The following PCDHA6 variants were observed in gnomAD, a reference collection of about 807,000 sequenced individuals.
PCDHA6 encodes protocadherin alpha 6, also known as protocadherin alpha-6.
In PCDHA6, 55 loss-of-function variants were observed where a neutral mutation model predicts 60.3. The ratio of observed to expected loss-of-function variants is 0.91; its 90% confidence interval spans 0.73 to 1.14. PCDHA6 has a LOEUF of 1.14. Ranked by LOEUF, PCDHA6 falls within the 50% of genes most tolerant of loss-of-function variation. PCDHA6 has a pLI of 0.00. For synonymous variants in PCDHA6, 652 were observed against 557.9 expected, an observed-to-expected ratio of 1.17 and a Z score of -2.38; for missense variants, 1,327 against 1,256.5, an observed-to-expected ratio of 1.06 and a Z score of -0.85.
intron 1 of PCDHA6, chr5:140,841,596 G>A (rs782464159): frequency 6.2e-7 from 1 of 1,614,094 alleles, no homozygotes; most frequent in Non-Finnish European, 8.5e-7. Flanking sequence ...CGGATCGACC[G>A]CGAGGAGCTG....
chr5:140,883,841 C>T (rs2059844881), intron 1 of PCDHA6: 1 of 1,612,742 alleles, frequency 6.2e-7, no homozygotes, highest in Non-Finnish European at 8.5e-7. Context: ...GCCGTTGGAC[C>T]ACGAGGAGCT....
At chr5:140,912,465 C>T (rs2153521985) in intron 1 of PCDHA6, among the ~76,000 whole-genome samples, 1 of 151,968 alleles carries the variant, frequency 6.6e-6, no homozygotes, top group South Asian at 2.1e-4. Context: ...TATCCTGGAA[C>T]TTTACTGAAT....
intron 3 of PCDHA6, among the ~76,000 whole-genome samples, chr5:140,983,265 T>C (rs553920702): frequency 6.6e-6 from 1 of 152,200 alleles, no homozygotes; most frequent in Non-Finnish European, 1.5e-5. Flanking sequence ...AAAAACCTAA[T>C]GGCTGGGTGA....
intron 1 of PCDHA6, chr5:140,847,941 A>G (rs923253393): frequency 3.3e-5 from 5 of 151,238 alleles, no homozygotes; most frequent in African/African-American, 1.2e-4. Flanking sequence ...CAACTCCTGG[A>G]TTTCTCTTAC....
rs140680694 is a variant in PCDHA6, at chr5:140,925,580, G to A, written c.2395-53369G>A. 5.4e-3 allele frequency among the ~76,000 whole-genome samples: 819 copies of A among 151,688 alleles called. 10 individuals carry two copies. The highest frequency in any genetic ancestry group is 0.019 in the African/African-American group (777 of 41,364). On this transcript the variant is annotated intron_variant, in intron 1 of 3. Transcript: ENST00000529310. ...GTTAATGGGTGCAGCACACCAACATGGCGCATGTATACATATGTAACAAAC... is the reference window on the plus strand; with the variant it reads ...GTTAATGGGTGCAGCACACCAACATAGCGCATGTATACATATGTAACAAAC...
At position 140,882,318 on chromosome 5, in the gene PCDHA6, G is replaced by A. The variant is rs534213144; in HGVS notation, c.2394+51833G>A. On this transcript the variant is annotated intron_variant, in intron 1 of 3. Transcript: ENST00000529310. ...CCAAGACCGCGGCAACTACTGCTCT[G>A]GCTTCTGATCCTCGCAGCCTGGGAG... 5 of 1,614,128 alleles carry A rather than the reference G, an allele frequency of 3.1e-6. No individual in the cohort carries two copies. In the African/African-American group the frequency reaches 6.7e-5, roughly 22 times the overall value.
chr5:140,862,658 G>A (rs547936781), intron 1 of PCDHA6: 19 of 545,608 alleles, frequency 3.5e-5, no homozygotes, highest in Admixed American at 1.9e-4. Flanking sequence ...GCGCGGGACC[G>A]GGACGCGCAG....
chr5:140,835,261 T>A (rs2150232896), intron 1 of PCDHA6: 1 of 1,608,418 alleles, frequency 6.2e-7, no homozygotes, highest in Admixed American at 1.7e-5. Flanking sequence ...AAATCCAAGT[T>A]CCACATGGAC....
Position 140,838,073 on chromosome 5 carries a change from ATATAGTGTGTGTGTGTGT to A in PCDHA6, c.2394+7589_2394+7606del, listed in dbSNP as rs1181120432. 3.1e-4 allele frequency among the ~76,000 whole-genome samples: 39 copies of A among 126,834 alleles called. 1 individual carries two copies. The highest frequency in any genetic ancestry group is 1.5e-3 in the Admixed American group (18 of 11,662). 83.2% of individuals were successfully genotyped at this position (126,834 alleles called of 152,430 possible). A position where few individuals can be genotyped will look rare whatever the true frequency, so the allele number is the denominator to read the frequency against. ...TGGTTTTCCACTTTAAGTTATATAT[ATATAGTGTGTGTGTGTGT>A]GTGTGTGTGTGTGTGTGTGTGTGTG... On this transcript the variant is annotated intron_variant, in intron 1 of 3. Coordinates refer to ENST00000529310, the MANE Select transcript of PCDHA6 (RefSeq NM_018909.4).
intron 1 of PCDHA6, among the ~76,000 whole-genome samples, chr5:140,847,234 C>T (rs1197831504): frequency 6.7e-6 from 1 of 149,750 alleles, no homozygotes; most frequent in African/African-American, 2.4e-5. Flanking sequence ...TATTTAACTA[C>T]CTTGAGCAAA....
chr5:140,836,344 A>T, intron 1 of PCDHA6: 1 of 1,613,666 alleles, frequency 6.2e-7, no homozygotes, highest in Non-Finnish European at 8.5e-7. Context: ...GTGAAGGACC[A>T]CGGGGAGCCC....
intron 1 of PCDHA6, chr5:140,836,956 T>C (rs1363599144): frequency 2.4e-6 from 1 of 416,414 alleles, no homozygotes; most frequent in Non-Finnish European, 4.2e-6. Flanking sequence ...CTATGGTTTA[T>C]GTTGGCTACT....
chr5:140,972,316 GT>G (rs112435719), intron 1 of PCDHA6, among the ~76,000 whole-genome samples: 1,932 of 139,568 alleles, frequency 0.014, 18 homozygotes, highest in African/African-American at 0.036. Context: ...GTTTTTAGGT[GT>G]TTTTTTTTTT....
rs75087916 is a variant in PCDHA6, at chr5:140,963,063, T to G, written c.2395-15886T>G. Among the ~76,000 whole-genome samples, 783 of 152,260 alleles carry G rather than the reference T, an allele frequency of 5.1e-3. 9 individuals carry two copies. Among genetic ancestry groups the G allele is most frequent in the African/African-American group, 0.018 (742 of 41,556 alleles). ...AGAGTCTATAAGGGTTTCTACATTGTGAAGGAGACAGAAATATAAGACATG... is the reference window on the plus strand; with the variant it reads ...AGAGTCTATAAGGGTTTCTACATTGGGAAGGAGACAGAAATATAAGACATG... On this transcript the variant is annotated intron_variant, in intron 1 of 3. Transcript: ENST00000529310.
chr5:140,913,659 A>T (rs1414002446), intron 1 of PCDHA6, among the ~76,000 whole-genome samples: 2 of 152,044 alleles, frequency 1.3e-5, no homozygotes, highest in Non-Finnish European at 2.9e-5. Flanking sequence ...TTTAAGATGT[A>T]TAGTTAGGTT....
chr5:140,967,984 C>G (rs2096207352), intron 1 of PCDHA6: 2 of 1,614,100 alleles, frequency 1.2e-6, no homozygotes, highest in African/African-American at 2.7e-5. Flanking sequence ...GTCTGGAGGC[C>G]ACACTGCCTT....
In PCDHA6 at chr5:140,871,470, G is replaced by A. The variant is rs782433204; in HGVS notation, c.2394+40985G>A. ...AAGAGGAGGAAGGGGAAAGACAGGAGCCAGGGTCAAATCACCCCGGACAGG... is the reference window on the plus strand; with the variant it reads ...AAGAGGAGGAAGGGGAAAGACAGGAACCAGGGTCAAATCACCCCGGACAGG... On this transcript the variant is annotated intron_variant, in intron 1 of 3. Coordinates refer to ENST00000529310, the MANE Select transcript of PCDHA6 (RefSeq NM_018909.4). The A allele has an allele frequency of 3.1e-6, 5 of 1,601,030 alleles. No individual in the cohort carries two copies. In the South Asian group the frequency reaches 4.5e-5, roughly 14 times the overall value.
chr5:140,930,197 C>G (rs1417032734), intron 1 of PCDHA6: 1 of 152,080 alleles, frequency 6.6e-6, no homozygotes, highest in African/African-American at 2.4e-5. Flanking sequence ...ATTTTTATGT[C>G]AGAAATATTT....
intron 1 of PCDHA6, chr5:140,928,748 G>T (rs191251073): frequency 6.2e-7 from 1 of 1,614,114 alleles, no homozygotes; most frequent in Admixed American, 1.7e-5. Flanking sequence ...GGTGAGCTCC[G>T]TACTGCTCGC....
Sources: gnomAD v4.1 joint callset for allele counts (sites outside exome capture counted in the v4.1 genomes callset) on GRCh38, gnomAD v4.1.1 for gene constraint, MANE v1.5 for transcripts, NCBI Gene and HGNC (gene_info 2026-07-23, HGNC 2026-07-21) for gene names.